Variants in ASTN2 observed in about 807,000 individuals in gnomAD.
ASTN2 encodes astrotactin 2.
ASTN2 carries 54 observed loss-of-function variants against 139.8 expected under a neutral mutation model. The observed-to-expected ratio is 0.39, with a 90% CI of 0.31 to 0.48. ASTN2 has a LOEUF of 0.48. Ranked by LOEUF, ASTN2 falls within the 20% of genes least tolerant of loss-of-function variation. The pLI is 0.95. For synonymous variants in ASTN2, 756 were observed against 719.5 expected, an observed-to-expected ratio of 1.05 and a Z score of -0.81; for missense variants, 1,565 against 1,725.1, an observed-to-expected ratio of 0.91 and a Z score of 1.64.
intron 16 of ASTN2, among the ~76,000 whole-genome samples, chr9:116,662,029 T>C (rs999624887): frequency 1.1e-4 from 17 of 150,212 alleles, no homozygotes; most frequent in Non-Finnish European, 2.4e-4. Context: ...GAAAAAAATA[T>C]ATATATATAA....
intron 16 of ASTN2, among the ~76,000 whole-genome samples, chr9:116,654,425 T>C (rs803914): frequency 0.72 from 109,839 of 152,114 alleles, 39,859 homozygotes; most frequent in East Asian, 0.88. Context: ...TCCAACCACA[T>C]AGGAATATGG....
At chr9:116,857,028 A>T (rs753199767) in intron 11 of ASTN2, among the ~76,000 whole-genome samples, 2 of 152,100 alleles carry the variant, frequency 1.3e-5, no homozygotes, top group Non-Finnish European at 2.9e-5. Flanking sequence ...TTTTCTCCAC[A>T]TATCCCAGTT....
At chr9:116,844,151 G>A (rs921678239) in intron 11 of ASTN2, among the ~76,000 whole-genome samples, 10 of 152,064 alleles carry the variant, frequency 6.6e-5, no homozygotes, top group African/African-American at 2.2e-4. Context: ...ATAAATAACC[G>A]CCTCCTGGGA....
At chr9:116,456,209 T>C (rs1342033824) in intron 20 of ASTN2, among the ~76,000 whole-genome samples, 1 of 152,090 alleles carries the variant, frequency 6.6e-6, no homozygotes, top group Non-Finnish European at 1.5e-5. Flanking sequence ...GTAGCATTTC[T>C]ACATGCCAAT....
chr9:116,513,707 T>A (rs1367108199), intron 19 of ASTN2, among the ~76,000 whole-genome samples: 4 of 152,240 alleles, frequency 2.6e-5, no homozygotes, highest in Non-Finnish European at 5.9e-5. Flanking sequence ...TTCTTTTTAT[T>A]CTTTTTTCTC....
chr9:117,266,116 T>G (rs2133116597), intron 2 of ASTN2, among the ~76,000 whole-genome samples: 1 of 152,312 alleles, frequency 6.6e-6, no homozygotes, highest in East Asian at 1.9e-4. Context: ...TTCCTCATCC[T>G]TGAGCTTCAA....
intron 3 of ASTN2, among the ~76,000 whole-genome samples, chr9:117,146,795 A>G (rs1830207934): frequency 6.6e-6 from 1 of 152,180 alleles, no homozygotes; most frequent in Non-Finnish European, 1.5e-5. Flanking sequence ...ATGAGAAAAA[A>G]AATTAAAAGG....
chr9:117,007,993 T>G (rs1837405209), intron 7 of ASTN2, 99 bp downstream of exon 7: 1 of 1,317,856 alleles, frequency 7.6e-7, no homozygotes, highest in East Asian at 2.7e-5. Context: ...CACTTGTCAA[T>G]GGCTCAGAAT....
intron 1 of ASTN2, among the ~76,000 whole-genome samples, chr9:117,331,728 T>C (rs1457476715): frequency 9.2e-5 from 14 of 152,258 alleles, no homozygotes; most frequent in Admixed American, 3.3e-4. Context: ...TAGCAGCTTG[T>C]GAAGATTAAA....
intron 10 of ASTN2, among the ~76,000 whole-genome samples, chr9:116,894,427 C>T (rs889917470): frequency 3.3e-5 from 5 of 152,166 alleles, no homozygotes; most frequent in African/African-American, 7.2e-5. Flanking sequence ...GTTTGACCAG[C>T]ATGATTTGTA....
intron 10 of ASTN2, among the ~76,000 whole-genome samples, chr9:116,903,285 C>T (rs1203417338): frequency 6.6e-6 from 1 of 152,118 alleles, no homozygotes; most frequent in African/African-American, 2.4e-5. Flanking sequence ...ACCTGTTTAT[C>T]ATGCTATTTT....
At chr9:116,803,522 A>ATATATATTTTT (rs1554748694) in intron 13 of ASTN2, among the ~76,000 whole-genome samples, 10 of 21,076 alleles carry the variant, frequency 4.7e-4, no homozygotes, top group South Asian at 1.8e-3. Flanking sequence ...ATATATATAT[A>ATATATATTTTT]TTTTTTTTTT....
chr9:116,807,003 G>A (rs1231579544), intron 12 of ASTN2, among the ~76,000 whole-genome samples: 1 of 152,176 alleles, frequency 6.6e-6, no homozygotes, highest in Admixed American at 6.5e-5. Context: ...CTGTGAGTAA[G>A]TAGCAAAGTT....
intron 13 of ASTN2, among the ~76,000 whole-genome samples, chr9:116,783,908 T>C (rs768566605): frequency 7.9e-5 from 12 of 152,338 alleles, no homozygotes; most frequent in Middle Eastern, 6.8e-3. Context: ...CTTAGTTGTA[T>C]AGATACTTTG....
At chr9:117,166,736 G>A (rs1196407168) in intron 3 of ASTN2, among the ~76,000 whole-genome samples, 1 of 152,026 alleles carries the variant, frequency 6.6e-6, no homozygotes, top group Non-Finnish European at 1.5e-5. Flanking sequence ...TTAAATGGCA[G>A]CATCTAATTA....
chr9:117,029,810 T>C (rs1588494583), intron 6 of ASTN2, among the ~76,000 whole-genome samples: 1 of 152,216 alleles, frequency 6.6e-6, no homozygotes, highest in African/African-American at 2.4e-5. Context: ...CCAACCCCCC[T>C]AATATTCTAC....
At chr9:116,847,965 C>G (rs935716183) in intron 11 of ASTN2, among the ~76,000 whole-genome samples, 1 of 152,158 alleles carries the variant, frequency 6.6e-6, no homozygotes, top group African/African-American at 2.4e-5. Flanking sequence ...GTCTGCACTG[C>G]TACAAAGCTG....
At chr9:117,242,715 G>A (rs995133570) in intron 2 of ASTN2, among the ~76,000 whole-genome samples, 3 of 152,160 alleles carry the variant, frequency 2.0e-5, no homozygotes, top group Non-Finnish European at 4.4e-5. Context: ...TGTTCCAGAG[G>A]CATGATAAGA....
intron 19 of ASTN2, among the ~76,000 whole-genome samples, chr9:116,530,738 C>G (rs1851307624): frequency 6.6e-6 from 1 of 152,080 alleles, no homozygotes; most frequent in South Asian, 2.1e-4. Context: ...TAACCTTTTC[C>G]TCTCAACTAA....
Sources: gnomAD v4.1 joint callset for allele counts (sites outside exome capture counted in the v4.1 genomes callset) on GRCh38, gnomAD v4.1.1 for gene constraint, MANE v1.5 for transcripts, NCBI Gene and HGNC (gene_info 2026-07-23, HGNC 2026-07-21) for gene names.